Variants in PIK3C2G observed in about 807,000 individuals in gnomAD.
PIK3C2G encodes phosphatidylinositol-4-phosphate 3-kinase catalytic subunit type 2 gamma.
PIK3C2G carries 168 observed loss-of-function variants against 181.1 expected under a neutral mutation model. The observed-to-expected ratio is 0.93, with a 90% CI of 0.82 to 1.05. The LOEUF is 1.05. Among genes scored for constraint, PIK3C2G ranks in the 50% least tolerant of loss-of-function variants. The pLI is 0.00. For synonymous variants in PIK3C2G, 573 were observed against 592.2 expected (o/e 0.97, Z 0.47); for missense variants, 1,869 against 1,732.8 (o/e 1.08, Z -1.40).
At chr12:18,322,029 T>C (rs897123162) in intron 7 of PIK3C2G, among the ~76,000 whole-genome samples, 1 of 152,170 alleles carries the variant, frequency 6.6e-6, no homozygotes, top group South Asian at 2.1e-4. Context: ...CAAACCACCA[T>C]TGCGCACGTT....
rs140559696 is a variant in PIK3C2G at position 18,613,662 on chromosome 12, A to G, written c.4182+4033A>G. Among the ~76,000 whole-genome samples the G allele has an allele frequency of 2.0e-3, 298 of 152,162 alleles. 2 individuals carry two copies. The highest frequency in any genetic ancestry group is 6.9e-3 in the African/African-American group (286 of 41,534). ...CACAATACAGGCATCTCTTGGTCCC[A>G]TGGATTCCTCTACCGTCTCTTTCAT... On this transcript the variant is annotated intron_variant, in intron 31 of 32. Transcript: ENST00000538779.
chr12:18,379,865 C>A (rs527624727), intron 13 of PIK3C2G, among the ~76,000 whole-genome samples: 3 of 152,138 alleles, frequency 2.0e-5, no homozygotes, highest in Admixed American at 2.0e-4. Flanking sequence ...AAGCCCTTAT[C>A]CCCACCAGGG....
chr12:18,309,440 TA>T (rs56412148), intron 5 of PIK3C2G, among the ~76,000 whole-genome samples: 151,882 of 151,882 alleles, frequency 1, 75,941 homozygotes, highest in Non-Finnish European at 1. Flanking sequence ...TTGTTTTCCT[TA>T]AAAGTGACAA....
chr12:18,671,487 G>C, the PIK3C2G span, among the ~76,000 whole-genome samples: 37 of 152,190 alleles, frequency 2.4e-4, no homozygotes, highest in Middle Eastern at 3.4e-3. Context: ...TCACACATGA[G>C]ATCAGCACTC....
At chr12:18,512,094 GCAC>G (rs567770591) in intron 24 of PIK3C2G, among the ~76,000 whole-genome samples, 51 of 151,820 alleles carry the variant, frequency 3.4e-4, no homozygotes, top group Admixed American at 1.6e-3. Flanking sequence ...TGTGTTCTTG[GCAC>G]CTTTGTCAAA....
chr12:18,318,975 C>T (rs954984092), intron 6 of PIK3C2G, among the ~76,000 whole-genome samples: 9 of 151,896 alleles, frequency 5.9e-5, no homozygotes, highest in African/African-American at 1.7e-4. Flanking sequence ...ATCCCAGCTA[C>T]TCAGGATGCT....
chr12:18,357,547 C>T (rs1381206112), intron 11 of PIK3C2G, among the ~76,000 whole-genome samples: 2 of 152,132 alleles, frequency 1.3e-5, no homozygotes, highest in Non-Finnish European at 2.9e-5. Context: ...TGCTGAATTT[C>T]ACATTAGAAG....
intron 1 of PIK3C2G, among the ~76,000 whole-genome samples, chr12:18,276,502 T>A (rs1459371291): frequency 1.3e-5 from 2 of 152,176 alleles, no homozygotes; most frequent in African/African-American, 4.8e-5. Flanking sequence ...TATTGCACAT[T>A]CTAAACAAAA....
intron 26 of PIK3C2G, among the ~76,000 whole-genome samples, chr12:18,561,350 A>G (rs941873382): frequency 2.5e-4 from 38 of 152,222 alleles, no homozygotes; most frequent in Non-Finnish European, 4.7e-4. Flanking sequence ...ATACTGGCAC[A>G]TGCCTCTAAC....
In PIK3C2G at chr12:18,487,239, G is replaced by C. The variant is rs1940142167; in HGVS notation, c.2505-1210G>C. Among the ~76,000 whole-genome samples the C allele has an allele frequency of 4.0e-5, 6 of 151,866 alleles. No individual in the cohort carries two copies. In the South Asian group the frequency reaches 1.2e-3, roughly 32 times the overall value. ...AGAAGACAAGTTGGCTTCTAATAAT[G>C]ACAAAGGAACAGGCCCTTACCTTAA... On this transcript the variant is annotated intron_variant, in intron 18 of 32. Transcript: ENST00000538779.
At chr12:18,304,636 A>T (rs1339988371) in intron 5 of PIK3C2G, among the ~76,000 whole-genome samples, 1 of 152,330 alleles carries the variant, frequency 6.6e-6, no homozygotes, top group African/African-American at 2.4e-5. Context: ...TAAAACTATT[A>T]ATTACCAGTG....
chr12:18,324,213 C>G (rs1358244494), intron 7 of PIK3C2G, among the ~76,000 whole-genome samples: 2 of 150,232 alleles, frequency 1.3e-5, no homozygotes, highest in African/African-American at 4.9e-5. Flanking sequence ...AGCGACACTC[C>G]GTCTCAAAAA....
intron 3 of PIK3C2G, among the ~76,000 whole-genome samples, chr12:18,287,840 G>A (rs372317823): frequency 4.7e-5 from 7 of 148,946 alleles, no homozygotes; most frequent in East Asian, 4.0e-4. Context: ...CAGCCTGGGC[G>A]ACAGAATGAG....
At chr12:18,309,975 A>G (rs1950572113) in intron 5 of PIK3C2G, among the ~76,000 whole-genome samples, 2 of 151,838 alleles carry the variant, frequency 1.3e-5, no homozygotes, top group Non-Finnish European at 1.5e-5. Context: ...TTATTTAGGT[A>G]AGTAAATGAA....
intron 31 of PIK3C2G, among the ~76,000 whole-genome samples, chr12:18,638,589 AAGGGTCTCCTTC>A (rs1206983276): frequency 1.3e-5 from 2 of 152,186 alleles, no homozygotes; most frequent in African/African-American, 2.4e-5. Context: ...TACAGGAGAT[AAGGGTCTCCTTC>A]AGGGCACACA....
chr12:18,714,396 T>C, the PIK3C2G span, among the ~76,000 whole-genome samples: 1 of 152,134 alleles, frequency 6.6e-6, no homozygotes, highest in African/African-American at 2.4e-5. Context: ...TAAAACATGT[T>C]TGACATAAAC....
chr12:18,460,418 A>T (rs1947853528), intron 18 of PIK3C2G, among the ~76,000 whole-genome samples: 2 of 151,626 alleles, frequency 1.3e-5, no homozygotes, highest in Admixed American at 1.3e-4. Context: ...CTAAAAATAC[A>T]AAAAAATTAG....
At chr12:18,338,090 C>G (rs1311484752) in intron 8 of PIK3C2G, among the ~76,000 whole-genome samples, 1 of 152,158 alleles carries the variant, frequency 6.6e-6, no homozygotes, top group Non-Finnish European at 1.5e-5. Context: ...TTTCCCCACA[C>G]TTCTTCCTCC....
At chr12:18,427,598 C>G (rs1407891313) in intron 18 of PIK3C2G, among the ~76,000 whole-genome samples, 1 of 150,850 alleles carries the variant, frequency 6.6e-6, no homozygotes, top group African/African-American at 2.4e-5. Context: ...AATACTTGGA[C>G]CACCTCAGTA....
Sources: allele counts gnomAD v4.1 joint callset (sites outside exome capture counted in the v4.1 genomes callset), GRCh38; gene constraint gnomAD v4.1.1; transcripts MANE v1.5; gene names NCBI Gene and HGNC (gene_info 2026-07-23, HGNC 2026-07-21).